Variants in ARHGAP6 observed in about 807,000 individuals in gnomAD.
ARHGAP6 encodes rho GTPase-activating protein 6.
In ARHGAP6, 16 loss-of-function variants were observed where a neutral mutation model predicts 55.7. The ratio of observed to expected loss-of-function variants is 0.29; its 90% confidence interval spans 0.19 to 0.44. ARHGAP6 has a LOEUF of 0.44. Ranked by LOEUF, ARHGAP6 falls within the 20% of genes least tolerant of loss-of-function variation. The pLI is 1.00. For missense variants in ARHGAP6, 698 were observed against 808.9 expected (o/e 0.86, Z 1.66); for synonymous variants, 382 against 360.9 (o/e 1.06, Z -0.66).
At chrX:11,204,351 C>G (rs1464417158) in intron 2 of ARHGAP6, among the ~76,000 whole-genome samples, 1 of 111,772 alleles carries the variant, frequency 8.9e-6, no homozygotes, top group Non-Finnish European at 1.9e-5. Context: ...TTGGCTCTGC[C>G]TCTGACTGGC....
chrX:11,430,164 C>G (rs1057058798), intron 1 of ARHGAP6, among the ~76,000 whole-genome samples: 4 of 112,243 alleles, frequency 3.6e-5, no homozygotes, highest in Non-Finnish European at 7.5e-5. Flanking sequence ...CTGAGTAAGT[C>G]ACCTCTTAAA....
chrX:11,159,470 T>C (rs1332971777), intron 9 of ARHGAP6, among the ~76,000 whole-genome samples: 1 of 110,059 alleles, frequency 9.1e-6, no homozygotes, highest in African/African-American at 3.3e-5. Flanking sequence ...GTAATAGCAT[T>C]AATTTATTGG....
intron 1 of ARHGAP6, among the ~76,000 whole-genome samples, chrX:11,519,452 C>T (rs1226825348): frequency 2.8e-5 from 3 of 106,161 alleles, no homozygotes; most frequent in Non-Finnish European, 5.7e-5. Flanking sequence ...AGTGTCTGTT[C>T]ATGTCCTTCG....
intron 2 of ARHGAP6, among the ~76,000 whole-genome samples, chrX:11,221,999 C>G (rs181950590): frequency 1.2e-3 from 135 of 111,010 alleles, no homozygotes; most frequent in Non-Finnish European, 2.1e-3. Context: ...ATTCTATTGT[C>G]ACAGCTTTCT....
chrX:11,407,594 A>G (rs2049626231), intron 1 of ARHGAP6, among the ~76,000 whole-genome samples: 1 of 111,890 alleles, frequency 8.9e-6, no homozygotes, highest in African/African-American at 3.3e-5. Flanking sequence ...TGGCTGCAGC[A>G]TTTTACATTC....
chrX:11,327,786 T>C (rs918069478), intron 1 of ARHGAP6, among the ~76,000 whole-genome samples: 1 of 111,937 alleles, frequency 8.9e-6, no homozygotes, highest in African/African-American at 3.3e-5. Flanking sequence ...CTTTTGAGTA[T>C]AATCGTGTGC....
chrX:11,248,076 A>G (rs896610743), intron 2 of ARHGAP6, among the ~76,000 whole-genome samples: 1 of 111,935 alleles, frequency 8.9e-6, no homozygotes, highest in African/African-American at 3.2e-5. Flanking sequence ...AATTAAGCTC[A>G]TCAGCTATTT....
intron 1 of ARHGAP6, among the ~76,000 whole-genome samples, chrX:11,651,554 G>T (rs970605606): frequency 2.0e-4 from 22 of 111,992 alleles, no homozygotes; most frequent in African/African-American, 6.8e-4. Context: ...CAGTCGTTTA[G>T]GTTGATTCCA....
intron 1 of ARHGAP6, among the ~76,000 whole-genome samples, chrX:11,411,366 A>G (rs1317655139): frequency 4.7e-5 from 5 of 106,620 alleles, no homozygotes; most frequent in African/African-American, 1.7e-4. Flanking sequence ...TATAATTGAT[A>G]CAGCATAAAA....
intron 2 of ARHGAP6, among the ~76,000 whole-genome samples, chrX:11,233,321 T>C (rs1266094566): frequency 1.8e-5 from 2 of 112,139 alleles, no homozygotes; most frequent in Non-Finnish European, 3.8e-5. Flanking sequence ...GCCTCAGTAC[T>C]CACACAACAA....
intron 1 of ARHGAP6, among the ~76,000 whole-genome samples, chrX:11,333,504 T>C (rs1308081841): frequency 8.9e-6 from 1 of 111,856 alleles, no homozygotes; most frequent in Non-Finnish European, 1.9e-5. Context: ...TTACCCAGTC[T>C]CCAGTATGCC....
Position 11,643,605 on chromosome X carries a change from A to G in ARHGAP6, c.588+20636T>C, listed in dbSNP as rs146329684. On this transcript the variant is annotated intron_variant, in intron 1 of 12. Coordinates refer to ENST00000337414, the MANE Select transcript of ARHGAP6 (RefSeq NM_013427.3). ...TCTTTTTATACTGCACTCATTTCAA[A>G]ATTCCAAACCATTTATATATAAAGG... 7.4e-3 allele frequency among the ~76,000 whole-genome samples: 830 copies of G among 111,867 alleles called. 8 individuals are homozygous for G. Among genetic ancestry groups the G allele is most frequent in the African/African-American group, 0.026 (787 of 30,837 alleles).
chrX:11,467,368 AAAAC>A (rs2050303719), intron 1 of ARHGAP6, among the ~76,000 whole-genome samples: 1 of 110,599 alleles, frequency 9.0e-6, no homozygotes, highest in Non-Finnish European at 1.9e-5. Flanking sequence ...ACCCTGTCTC[AAAAC>A]AAACAAACAA....
chrX:11,337,069 GT>G (rs1033442504), intron 1 of ARHGAP6, among the ~76,000 whole-genome samples: 2 of 110,215 alleles, frequency 1.8e-5, no homozygotes, highest in African/African-American at 6.6e-5. Flanking sequence ...TCTTTAATGG[GT>G]TCCGAGATTG....
intron 2 of ARHGAP6, among the ~76,000 whole-genome samples, chrX:11,240,941 G>A (rs2047267467): frequency 1.9e-5 from 2 of 105,144 alleles, no homozygotes; most frequent in Non-Finnish European, 3.9e-5. Flanking sequence ...GCTACTGGGT[G>A]GGGTGGGGTG....
rs1353681824 is a variant in ARHGAP6 at position 11,137,712 on chromosome X, C to T, written c.*1151G>A. ...AAGTGAAAAAAAATTGCATAAAATA[C>T]TGAAGCGTATCGCCATCTGCTGGTC... is the stretch of plus-strand genomic sequence containing the variant. On this transcript the variant is annotated 3_prime_UTR_variant, in exon 13 of 13. Transcript: ENST00000337414. The T allele has an allele frequency of 9.0e-6, 1 of 110,746 alleles. No individual in the cohort carries two copies. The highest frequency in any genetic ancestry group is 1.9e-5 in the Non-Finnish European group (1 of 52,910). 9.1% of individuals were successfully genotyped at this position (110,746 alleles called of 1,213,427 possible). A position where few individuals can be genotyped will look rare whatever the true frequency, so the allele number is the denominator to read the frequency against.
intron 1 of ARHGAP6, among the ~76,000 whole-genome samples, chrX:11,632,485 T>C (rs899020764): frequency 2.7e-5 from 3 of 112,357 alleles, no homozygotes; most frequent in Non-Finnish European, 3.8e-5. Flanking sequence ...ACTATTAACA[T>C]TTGCAAAGCT....
chrX:11,203,703 C>CG (rs1317696843), intron 2 of ARHGAP6, among the ~76,000 whole-genome samples: 3 of 111,886 alleles, frequency 2.7e-5, no homozygotes, highest in African/African-American at 9.8e-5. Flanking sequence ...AGAGAGTCTA[C>CG]TGGCCCAACA....
intron 1 of ARHGAP6, among the ~76,000 whole-genome samples, chrX:11,450,025 G>C (rs1271128586): frequency 9.0e-6 from 1 of 111,239 alleles, no homozygotes; most frequent in Non-Finnish European, 1.9e-5. Flanking sequence ...CCACGACCAT[G>C]GACACTCACA....
Sources: allele counts gnomAD v4.1 joint callset (sites outside exome capture counted in the v4.1 genomes callset), GRCh38; gene constraint gnomAD v4.1.1; transcripts MANE v1.5; gene names NCBI Gene and HGNC (gene_info 2026-07-23, HGNC 2026-07-21).